Variants in SSBP2 observed in about 807,000 individuals in gnomAD.
SSBP2 encodes the protein single-stranded DNA-binding protein 2.
Under a neutral mutation model 61.8 loss-of-function variants are expected in SSBP2, and 17 were observed. The observed-to-expected ratio is 0.28, with a 90% CI of 0.19 to 0.41. The LOEUF (loss-of-function observed/expected upper bound fraction) is 0.41, where lower values mean the gene tolerates loss of function less well. SSBP2 is among the 10% of genes least tolerant of loss of function. SSBP2 has a pLI of 1.00. For synonymous variants in SSBP2, 139 were observed against 141.3 expected (o/e 0.98, Z 0.12); for missense variants, 310 against 458.7 (o/e 0.68, Z 2.96).
chr5:81,482,748 T>C (rs561771987), intron 6 of SSBP2, among the ~76,000 whole-genome samples: 27 of 152,352 alleles, frequency 1.8e-4, no homozygotes, highest in Admixed American at 5.9e-4. Flanking sequence ...TGTTTTGCTT[T>C]CTTATCATTT....
chr5:81,721,043 C>T (rs1460483083), intron 1 of SSBP2, among the ~76,000 whole-genome samples: 2 of 151,936 alleles, frequency 1.3e-5, no homozygotes, highest in Non-Finnish European at 2.9e-5. Context: ...AAAAACAAAA[C>T]TAAATGGAAA....
intron 6 of SSBP2, among the ~76,000 whole-genome samples, chr5:81,476,163 C>T (rs1017210913): frequency 6.6e-6 from 1 of 151,980 alleles, no homozygotes; most frequent in Non-Finnish European, 1.5e-5. Context: ...ACCTCATTAC[C>T]CCTAAATACT....
intron 4 of SSBP2, among the ~76,000 whole-genome samples, chr5:81,536,075 C>T (rs1770778965): frequency 6.6e-6 from 1 of 151,934 alleles, no homozygotes; most frequent in African/African-American, 2.4e-5. Flanking sequence ...AAAAATGGAC[C>T]AAAGACCCAG....
At chr5:81,439,724 T>C (rs943492665) in intron 14 of SSBP2, among the ~76,000 whole-genome samples, 4 of 144,220 alleles carry the variant, frequency 2.8e-5, no homozygotes, top group African/African-American at 5.3e-5. Flanking sequence ...CAGGCCAGAG[T>C]GCAGTGGCGC....
At chr5:81,519,669 A>G (rs1244184054) in intron 4 of SSBP2, among the ~76,000 whole-genome samples, 3 of 151,122 alleles carry the variant, frequency 2.0e-5, no homozygotes, top group South Asian at 2.1e-4. Context: ...CATGCAGACC[A>G]AAAAAAAAGG....
chr5:81,416,794 C>T lies in SSBP2; in HGVS notation c.*3710G>A, dbSNP rs1761326028. The T allele has an allele frequency of 6.6e-6, 1 of 152,022 alleles. No individual in the cohort carries two copies. Among genetic ancestry groups the T allele is most frequent in the Non-Finnish European group, 1.5e-5 (1 of 68,000 alleles). The allele number at this position is 152,022 out of a possible 1,614,324, so 9.4% of individuals were successfully genotyped here. A position where few individuals can be genotyped will look rare whatever the true frequency, so the allele number is the denominator to read the frequency against. ...TTTATTTTATTCTGGAGGGAAAGGG[C>T]TGTTTTGGGCACTTTTCATGGCTGG... On this transcript the variant is annotated 3_prime_UTR_variant, in exon 17 of 17. Transcript: ENST00000320672.
At chr5:81,648,369 A>C (rs1311137072) in intron 2 of SSBP2, among the ~76,000 whole-genome samples, 1 of 152,152 alleles carries the variant, frequency 6.6e-6, no homozygotes, top group Non-Finnish European at 1.5e-5. Flanking sequence ...TATTCCTTCT[A>C]TAGTAAAACA....
intron 1 of SSBP2, among the ~76,000 whole-genome samples, chr5:81,704,710 C>T (rs139017865): frequency 2.0e-4 from 30 of 148,738 alleles, no homozygotes; most frequent in Middle Eastern, 3.4e-3. Context: ...GCAGGAGAAC[C>T]GCTTGAACCC....
At chr5:81,750,092 C>A (rs1035767945) in intron 1 of SSBP2, among the ~76,000 whole-genome samples, 20 of 151,904 alleles carry the variant, frequency 1.3e-4, no homozygotes, top group Admixed American at 5.9e-4. Flanking sequence ...AGTTCGCCAG[C>A]CGCCGCCGCG....
intron 4 of SSBP2, among the ~76,000 whole-genome samples, chr5:81,523,522 CAA>C (rs1421778971): frequency 1.3e-5 from 2 of 152,020 alleles, no homozygotes; most frequent in African/African-American, 4.8e-5. Flanking sequence ...CATTATTACA[CAA>C]AAGTCACAAT....
At chr5:81,523,361 T>C (rs1255972109) in intron 4 of SSBP2, among the ~76,000 whole-genome samples, 3 of 152,060 alleles carry the variant, frequency 2.0e-5, no homozygotes, top group African/African-American at 7.2e-5. Flanking sequence ...CATTCTGTAT[T>C]TAGCTTAACC....
At chr5:81,542,547 GCATAGTATTCCATGGTGTATACA>G (rs1174977974) in intron 4 of SSBP2, among the ~76,000 whole-genome samples, 1 of 151,894 alleles carries the variant, frequency 6.6e-6, no homozygotes, top group East Asian at 1.9e-4. Context: ...GAAAATAGAT[GCATAGTATTCCATGGTGTATACA>G]CATGGTATAT....
chr5:81,691,823 A>C (rs1753222952), intron 1 of SSBP2, among the ~76,000 whole-genome samples: 1 of 152,188 alleles, frequency 6.6e-6, no homozygotes, highest in Admixed American at 6.5e-5. Flanking sequence ...ACAAAATACT[A>C]GCAACCAAAT....
chr5:81,743,772 C>T (rs1247562171), intron 1 of SSBP2, among the ~76,000 whole-genome samples: 1 of 152,138 alleles, frequency 6.6e-6, no homozygotes, highest in African/African-American at 2.4e-5. Flanking sequence ...AAGAAAAACC[C>T]TGTCCTTCCT....
intron 1 of SSBP2, among the ~76,000 whole-genome samples, chr5:81,705,185 T>C (rs1449640275): frequency 9.9e-5 from 15 of 152,186 alleles, no homozygotes; most frequent in Non-Finnish European, 2.2e-4. Flanking sequence ...AGTGCCTATA[T>C]ATGTGAACAC....
At chr5:81,747,606 T>C (rs1757439697) in intron 1 of SSBP2, among the ~76,000 whole-genome samples, 2 of 152,008 alleles carry the variant, frequency 1.3e-5, no homozygotes, top group South Asian at 2.1e-4. Context: ...ATTTTGGAGG[T>C]CACTGAAAAA....
At chr5:81,623,509 G>A (rs1309544240) in intron 3 of SSBP2, among the ~76,000 whole-genome samples, 2 of 150,416 alleles carry the variant, frequency 1.3e-5, no homozygotes, top group Non-Finnish European at 3.0e-5. Flanking sequence ...CTAATTTTTT[G>A]TATTTTTAGT....
intron 3 of SSBP2, among the ~76,000 whole-genome samples, chr5:81,632,731 A>G (rs1355363272): frequency 1.3e-5 from 2 of 152,122 alleles, no homozygotes; most frequent in African/African-American, 4.8e-5. Context: ...TCTCTTAAAC[A>G]CTAAACATGC....
chr5:81,444,733 T>G (rs1347766684), intron 12 of SSBP2, among the ~76,000 whole-genome samples: 1 of 152,186 alleles, frequency 6.6e-6, no homozygotes, highest in Non-Finnish European at 1.5e-5. Flanking sequence ...ATGGGCTACA[T>G]ATTTTAAATG....
Sources: allele counts gnomAD v4.1 joint callset (sites outside exome capture counted in the v4.1 genomes callset), GRCh38; gene constraint gnomAD v4.1.1; transcripts MANE v1.5; gene names NCBI Gene and HGNC (gene_info 2026-07-23, HGNC 2026-07-21).